The following MRPS5 variants were observed in gnomAD, a reference collection of about 807,000 sequenced individuals.
The protein encoded by MRPS5 is small ribosomal subunit protein uS5m.
Under a neutral mutation model 51.9 loss-of-function variants are expected in MRPS5, and 27 were observed. The ratio of observed to expected loss-of-function variants is 0.52; its 90% CI spans 0.38 to 0.72. The LOEUF (loss-of-function observed/expected upper bound fraction) is 0.72. Ranked by LOEUF, MRPS5 falls within the 30% of genes least tolerant of loss-of-function variation. The pLI is 0.00. For synonymous variants in MRPS5, 196 were observed against 193.2 expected, an observed-to-expected ratio of 1.01 and a Z score of -0.12; for missense variants, 570 against 545.7, an observed-to-expected ratio of 1.04 and a Z score of -0.44.
intron 1 of MRPS5, among the ~76,000 whole-genome samples, chr2:95,119,475 G>A (rs1271318007): frequency 2.0e-5 from 3 of 152,050 alleles, no homozygotes; most frequent in Non-Finnish European, 1.5e-5. Context: ...AGCCAGGCAT[G>A]ATGGAACACA....
intron 10 of MRPS5, among the ~76,000 whole-genome samples, chr2:95,095,563 G>A (rs1198164889): frequency 4.6e-5 from 7 of 152,076 alleles, no homozygotes; most frequent in African/African-American, 1.4e-4. Context: ...ACTCAAAACC[G>A]CTCAACTACA....
chr2:95,098,917 TA>T (rs1345619655), intron 10 of MRPS5, among the ~76,000 whole-genome samples: 3 of 52,106 alleles, frequency 5.8e-5, no homozygotes, highest in Non-Finnish European at 1.0e-4. Flanking sequence ...TTATTATTAT[TA>T]TTATTTTTTT....
Position 95,110,048 on chromosome 2 carries a change from C to T in MRPS5, c.278-7G>A, listed in dbSNP as rs748203775. 1.7e-5 allele frequency: 28 copies of T among 1,604,246 alleles called. No homozygotes were observed. The highest frequency in any genetic ancestry group is 4.1e-5 in the African/African-American group (3 of 73,938). ...CACAGCTCATCTGCAGTCACTGTAACGAAACAGGGTTTCTTTTCTTAATTC... is the reference window on the plus strand; with the variant it reads ...CACAGCTCATCTGCAGTCACTGTAATGAAACAGGGTTTCTTTTCTTAATTC... On this transcript the variant is annotated splice_polypyrimidine_tract_variant and splice_region_variant and intron_variant, in intron 3 of 11. Transcript: ENST00000272418.
At chr2:95,118,412 C>T (rs1676350954) in intron 1 of MRPS5, among the ~76,000 whole-genome samples, 1 of 152,270 alleles carries the variant, frequency 6.6e-6, no homozygotes, top group Non-Finnish European at 1.5e-5. Context: ...GGCCTACAGG[C>T]CTGCCACATG....
chr2:95,120,749 A>C (rs185495110), intron 1 of MRPS5, among the ~76,000 whole-genome samples: 1 of 152,320 alleles, frequency 6.6e-6, no homozygotes, highest in East Asian at 1.9e-4. Flanking sequence ...TATATACCTC[A>C]TGAAGGCATT....
chr2:95,114,666 T>C (rs1468321148), intron 3 of MRPS5, among the ~76,000 whole-genome samples: 1 of 152,214 alleles, frequency 6.6e-6, no homozygotes, highest in Non-Finnish European at 1.5e-5. Flanking sequence ...TAGACTCTTT[T>C]AAATGCTATC....
Position 95,087,601 on chromosome 2 carries a change from G to C in MRPS5, c.1069-20C>G. The C allele has an allele frequency of 1.2e-6, 2 of 1,601,716 alleles. No homozygotes were observed. Among genetic ancestry groups the C allele is most frequent in the Non-Finnish European group, 8.5e-7 (1 of 1,172,472 alleles). On this transcript the variant is annotated intron_variant, in intron 11 of 11. Transcript: ENST00000272418. Reference sequence around the variant, plus strand: ...GGTTTCCTAAGCAAGACCAAATTCAGAACAGGTTAGGTCTGAAGTACATTT... The same window carrying C: ...GGTTTCCTAAGCAAGACCAAATTCACAACAGGTTAGGTCTGAAGTACATTT...
chr2:95,103,862 A>G (rs907745145), intron 7 of MRPS5: 10 of 152,186 alleles, frequency 6.6e-5, no homozygotes, highest in African/African-American at 2.4e-4. Context: ...TAAATTTTTT[A>G]AAGATGTATG....
rs563182858 is a variant in MRPS5, at chr2:95,098,265, T to C, written c.931+2209A>G. ...TGGGGCTGTAAACTAGTTCGACCAT[T>C]GTGGAAGATAGTGTGGCGATTCCTC... On this transcript the variant is annotated intron_variant, in intron 10 of 11. Transcript: ENST00000272418. 4.6e-5 allele frequency among the ~76,000 whole-genome samples: 7 copies of C among 152,266 alleles called. No homozygotes were observed. The South Asian group carries it at 1.5e-3, about 32-fold the overall frequency.
rs746486607 is a variant in MRPS5 at position 95,109,989 on chromosome 2, T to C, written c.330A>G (p.Ala110=). Residue 110 remains alanine (A), a synonymous_variant, in exon 4 of 12, where the codon GCA becomes GCG. Coordinates refer to ENST00000272418, the MANE Select transcript of MRPS5 (RefSeq NM_031902.5). ...KGALAETGAG[A]KKGRGKRTKK... ...TAGTTCTTTTGCCTCTTCCTTTTTT[T>C]GCTCCAGCACCAGTCTCTGCTAAAG... 1 of 1,614,192 alleles carries C rather than the reference T, an allele frequency of 6.2e-7. No homozygotes were observed. Among genetic ancestry groups the C allele is most frequent in the African/African-American group, 1.3e-5 (1 of 75,070 alleles).
At chr2:95,106,734 TC>T in intron 5 of MRPS5, 1 of 493,982 alleles carries the variant, frequency 2.0e-6, no homozygotes, top group South Asian at 2.3e-5. Flanking sequence ...ATCCCTGCTC[TC>T]CCTTCTGCTT....
intron 3 of MRPS5, 64 bp downstream of exon 3, chr2:95,115,002 A>G: frequency 7.2e-7 from 1 of 1,396,642 alleles, no homozygotes; most frequent in South Asian, 1.7e-5. Flanking sequence ...AAGAAGAAAA[A>G]TTCAGATATA....
At chr2:95,093,856 A>G (rs1272396445) in intron 10 of MRPS5, among the ~76,000 whole-genome samples, 2 of 152,248 alleles carry the variant, frequency 1.3e-5, no homozygotes. Context: ...CTCGCCAGCA[A>G]CAGAACAAAG....
intron 10 of MRPS5, among the ~76,000 whole-genome samples, chr2:95,098,390 CAT>C (rs1573332073): frequency 1.3e-5 from 2 of 152,284 alleles, no homozygotes; most frequent in South Asian, 2.1e-4. Flanking sequence ...CACATGCACA[CAT>C]ATGTTTATTG....
At position 95,109,995 on chromosome 2, in the gene MRPS5, A is replaced by T; in HGVS notation, c.324T>A (p.Ala108=). ...LWKGALAETG[A]GAKKGRGKRT... is the part of the protein sequence containing the mutation. ...TTTTGCCTCTTCCTTTTTTTGCTCC[A>T]GCACCAGTCTCTGCTAAAGCGCCTT... The change falls in exon 4 of 12, where the codon GCT becomes GCA. Residue 108 remains alanine (A), a synonymous_variant. Coordinates refer to ENST00000272418, the MANE Select transcript of MRPS5 (RefSeq NM_031902.5). 2 of 1,613,932 alleles carry T rather than the reference A, an allele frequency of 1.2e-6. No homozygotes were observed. The highest frequency in any genetic ancestry group is 1.7e-6 in the Non-Finnish European group (2 of 1,179,942).
chr2:95,085,467 A>T lies in MRPS5; in HGVS notation c.*1890T>A, dbSNP rs769971442. ...TTAAGAAGGAAAACTAACAGGACAG[A>T]TAAGTTTTAGGAAATAACTACCTTA... On this transcript the variant is annotated 3_prime_UTR_variant, in exon 12 of 12. Coordinates refer to ENST00000272418, the MANE Select transcript of MRPS5 (RefSeq NM_031902.5). Among the ~76,000 whole-genome samples the T allele has an allele frequency of 6.6e-6, 1 of 152,222 alleles. No individual in the cohort carries two copies. Among genetic ancestry groups the T allele is most frequent in the Non-Finnish European group, 1.5e-5 (1 of 68,034 alleles).
At chr2:95,104,963 T>C (rs1675907117) in intron 6 of MRPS5, among the ~76,000 whole-genome samples, 1 of 152,184 alleles carries the variant, frequency 6.6e-6, no homozygotes, top group South Asian at 2.1e-4. Context: ...CACAGGCTTA[T>C]GATAACTGAG....
chr2:95,086,736 T>C lies in MRPS5; in HGVS notation c.*621A>G, dbSNP rs1185226021. On this transcript the variant is annotated 3_prime_UTR_variant, in exon 12 of 12. Coordinates refer to ENST00000272418, the MANE Select transcript of MRPS5 (RefSeq NM_031902.5). ...TAAGGAACTCAATAATAATAAAAAA[T>C]AACTTTTTAAATGGGCAAAGGCTCT... Among the ~76,000 whole-genome samples the C allele has an allele frequency of 2.0e-5, 3 of 152,102 alleles. No homozygotes were observed. The highest frequency in any genetic ancestry group is 6.5e-5 in the Admixed American group (1 of 15,268).
At chr2:95,102,363 A>G (rs1278420240) in intron 7 of MRPS5, among the ~76,000 whole-genome samples, 1 of 152,258 alleles carries the variant, frequency 6.6e-6, no homozygotes, top group African/African-American at 2.4e-5. Context: ...TTAAAGATAG[A>G]TTAAAATAAT....
Sources: allele counts gnomAD v4.1 joint callset (sites outside exome capture counted in the v4.1 genomes callset), GRCh38; gene constraint gnomAD v4.1.1; transcripts MANE v1.5; gene names NCBI Gene and HGNC (gene_info 2026-07-23, HGNC 2026-07-21).